COL23A1: variants seen among roughly 807,000 people sequenced by gnomAD.
COL23A1 encodes the protein collagen alpha-1(XXIII) chain.
A neutral mutation model predicts 99.3 loss-of-function variants in COL23A1; 97 were observed. That is an observed-to-expected ratio of 0.98 (90% CI 0.83 to 1.16). COL23A1 has a LOEUF of 1.16. Among genes scored for constraint, COL23A1 ranks in the 50% most tolerant of loss-of-function variants. COL23A1 has a pLI of 0.00. For synonymous variants in COL23A1, 320 were observed against 308.2 expected (o/e 1.04, Z -0.40); for missense variants, 762 against 757.4 (o/e 1.01, Z -0.07).
At chr5:178,391,565 A>G (rs1374151789) in intron 2 of COL23A1, among the ~76,000 whole-genome samples, 2 of 152,218 alleles carry the variant, frequency 1.3e-5, no homozygotes, top group African/African-American at 4.8e-5. Flanking sequence ...CCAGAATAAA[A>G]GAGTCAGACA....
chr5:178,458,847 T>C (rs1405824862), intron 2 of COL23A1, among the ~76,000 whole-genome samples: 1 of 152,090 alleles, frequency 6.6e-6, no homozygotes, highest in East Asian at 1.9e-4. Flanking sequence ...CACTTAATAT[T>C]CTTACCCCCA....
intron 2 of COL23A1, among the ~76,000 whole-genome samples, chr5:178,355,542 A>G (rs1433559431): frequency 6.6e-6 from 1 of 152,060 alleles, no homozygotes; most frequent in African/African-American, 2.4e-5. Context: ...GTTTGTTTTT[A>G]TTTTTTTGGA....
chr5:178,583,633 G>T (rs1259757392), intron 1 of COL23A1, among the ~76,000 whole-genome samples: 2 of 152,292 alleles, frequency 1.3e-5, no homozygotes, highest in African/African-American at 4.8e-5. Context: ...TCCATCAGAG[G>T]GAATTAGGGA....
At chr5:178,357,934 GTA>G (rs1491574485) in intron 2 of COL23A1, among the ~76,000 whole-genome samples, 4 of 147,914 alleles carry the variant, frequency 2.7e-5, no homozygotes, top group African/African-American at 7.5e-5. Context: ...GTGTGTATGT[GTA>G]TGTATGTGTG....
At chr5:178,358,820 T>C (rs1296236912) in intron 2 of COL23A1, among the ~76,000 whole-genome samples, 1 of 152,124 alleles carries the variant, frequency 6.6e-6, no homozygotes, top group Non-Finnish European at 1.5e-5. Flanking sequence ...GATTTGTATA[T>C]AAGCCCCCAC....
intron 2 of COL23A1, among the ~76,000 whole-genome samples, chr5:178,518,861 C>T (rs1243533613): frequency 1.3e-5 from 2 of 149,394 alleles, no homozygotes; most frequent in Non-Finnish European, 3.0e-5. Context: ...GGGCGGCGCT[C>T]GCCGGCGCGG....
intron 2 of COL23A1, among the ~76,000 whole-genome samples, chr5:178,391,894 C>G (rs34374821): frequency 0.51 from 76,768 of 151,616 alleles, 21,601 homozygotes; most frequent in East Asian, 0.82. Context: ...TTATTTGAGA[C>G]TAAAAGGAAT....
At chr5:178,315,762 C>CT (rs34604670) in intron 2 of COL23A1, among the ~76,000 whole-genome samples, 4,926 of 96,644 alleles carry the variant, frequency 0.051, 148 homozygotes, top group South Asian at 0.067. Context: ...GAAGCACTGA[C>CT]TTTTTTTTTT....
rs1010273343 is a variant in COL23A1, at chr5:178,345,296, T to C, written c.362-38377A>G. ...CGGTGCCAGTAATCTGCCCCCTAGT[T>C]TGAAAATCACTTGGAGCAATTCGGA... On this transcript the variant is annotated intron_variant, in intron 2 of 28. Coordinates refer to ENST00000390654, the MANE Select transcript of COL23A1 (RefSeq NM_173465.4). 1.3e-5 allele frequency: 8 copies of C among 602,826 alleles called. No individual in the cohort carries two copies. In the African/African-American group the frequency reaches 1.6e-4, roughly 12 times the overall value. The allele number at this position is 602,826 out of a possible 1,614,324, so 37.3% of individuals were successfully genotyped here.
chr5:178,359,443 G>C (rs1224261321), intron 2 of COL23A1, among the ~76,000 whole-genome samples: 1 of 152,188 alleles, frequency 6.6e-6, no homozygotes, highest in Non-Finnish European at 1.5e-5. Context: ...CAGGAGAATT[G>C]CTTGAACCCG....
intron 15 of COL23A1, among the ~76,000 whole-genome samples, 189 bp downstream of exon 15, chr5:178,256,164 C>A (rs1283957728): frequency 6.6e-6 from 1 of 152,158 alleles, no homozygotes; most frequent in Admixed American, 6.5e-5. Context: ...CATATTTGAA[C>A]ATTTTACCCC....
intron 2 of COL23A1, among the ~76,000 whole-genome samples, chr5:178,330,586 T>C (rs1264705349): frequency 6.6e-6 from 1 of 151,676 alleles, no homozygotes; most frequent in Non-Finnish European, 1.5e-5. Context: ...CTGAGGAGTT[T>C]GAGGTTGCAG....
intron 2 of COL23A1, among the ~76,000 whole-genome samples, chr5:178,316,597 C>A (rs993755626): frequency 6.6e-6 from 1 of 152,082 alleles, no homozygotes; most frequent in Admixed American, 6.6e-5. Flanking sequence ...GCCTTCATGC[C>A]TTTATAAATG....
At chr5:178,526,665 G>A (rs1406899102) in intron 2 of COL23A1, among the ~76,000 whole-genome samples, 1 of 152,048 alleles carries the variant, frequency 6.6e-6, no homozygotes, top group Non-Finnish European at 1.5e-5. Context: ...AGGGGCTAGC[G>A]AGTCTACAAT....
chr5:178,571,252 C>T (rs182022641), intron 1 of COL23A1, among the ~76,000 whole-genome samples: 4 of 152,162 alleles, frequency 2.6e-5, no homozygotes, highest in African/African-American at 9.6e-5. Context: ...ATCCCAGCTA[C>T]TTGGGAGGCT....
chr5:178,238,604 T>C lies in COL23A1; in HGVS notation c.*94A>G. On this transcript the variant is annotated 3_prime_UTR_variant, in exon 29 of 29. Coordinates refer to ENST00000390654, the MANE Select transcript of COL23A1 (RefSeq NM_173465.4). The stretch of plus-strand genomic sequence containing the variant: ...ATGTTAAAAGGCCACAGGTAGCGCA[T>C]TCCATGAAAAAAGATCAATATATTA... The C allele has an allele frequency of 6.0e-6, 9 of 1,512,502 alleles. No individual in the cohort carries two copies. Among genetic ancestry groups the C allele is most frequent in the Non-Finnish European group, 8.2e-6 (9 of 1,091,404 alleles). The allele number at this position is 1,512,502 out of a possible 1,614,324, so 93.7% of individuals were successfully genotyped here. A position where few individuals can be genotyped will look rare whatever the true frequency, so the allele number is the denominator to read the frequency against.
intron 2 of COL23A1, among the ~76,000 whole-genome samples, chr5:178,386,517 A>G (rs141909047): frequency 6.8e-4 from 103 of 152,140 alleles, no homozygotes; most frequent in Non-Finnish European, 9.4e-4. Context: ...ACCTAGCACA[A>G]ATATTTCCAT....
chr5:178,465,366 C>G (rs941831270), intron 2 of COL23A1, among the ~76,000 whole-genome samples: 3 of 152,198 alleles, frequency 2.0e-5, no homozygotes, highest in Non-Finnish European at 4.4e-5. Flanking sequence ...CTCCCTAAAA[C>G]TGGAGATGCT....
intron 1 of COL23A1, among the ~76,000 whole-genome samples, chr5:178,573,936 G>A (rs1257538102): frequency 6.6e-6 from 1 of 151,912 alleles, no homozygotes; most frequent in African/African-American, 2.4e-5. Flanking sequence ...TCCACTCACT[G>A]CAAATTCAGC....
Sources: gnomAD v4.1 joint callset for allele counts (sites outside exome capture counted in the v4.1 genomes callset) on GRCh38, gnomAD v4.1.1 for gene constraint, MANE v1.5 for transcripts, NCBI Gene and HGNC (gene_info 2026-07-23, HGNC 2026-07-21) for gene names.